Variants in INTS4 observed in about 807,000 individuals in gnomAD.
The protein encoded by INTS4 is MSTP093.
In INTS4, 70 loss-of-function variants were observed where a neutral mutation model predicts 119.5. The ratio of observed to expected loss-of-function variants is 0.59; its 90% CI spans 0.48 to 0.71. The LOEUF is 0.71. INTS4 is among the 30% of genes least tolerant of loss of function. The probability of loss-of-function intolerance (pLI) is 0.00; values close to 1 mark genes in which losing one functional copy is unlikely to be tolerated. For missense variants in INTS4, 867 were observed against 1,173.2 expected (o/e 0.74, Z 3.81); for synonymous variants, 316 against 419.6 (o/e 0.75, Z 3.02).
chr11:77,884,572 C>G, intron 21 of INTS4, among the ~76,000 whole-genome samples: 2 of 152,284 alleles, frequency 1.3e-5, no homozygotes, highest in South Asian at 4.1e-4. Context: ...GAAGCTTATC[C>G]TAGGACTAGG....
chr11:77,979,066 A>C lies in INTS4; in HGVS notation c.401T>G (p.Leu134Trp), dbSNP rs778464510. 1.2e-6 allele frequency: 2 copies of C among 1,613,140 alleles called. No individual in the cohort carries two copies. Among genetic ancestry groups the C allele is most frequent in the East Asian group, 2.2e-5 (1 of 44,842 alleles). ...TGGTAGCTTAGTGCCAATTGCAAGCAAAGTATCCAGCAGTTGAGCTAGGAC... is the reference window on the plus strand; with the variant it reads ...TGGTAGCTTAGTGCCAATTGCAAGCCAAGTATCCAGCAGTTGAGCTAGGAC... ...HQVLAQLLDT[L>W]LAIGTKLPEN... The change falls in exon 4 of 23, where the codon TTG (leucine) becomes TGG (tryptophan). Residue 134 changes from leucine to tryptophan, a missense_variant. Coordinates refer to ENST00000534064, the MANE Select transcript of INTS4 (RefSeq NM_033547.4).
intron 14 of INTS4, among the ~76,000 whole-genome samples, chr11:77,920,268 C>CAT (rs1953324128): frequency 3.0e-5 from 3 of 99,928 alleles, no homozygotes; most frequent in African/African-American, 1.2e-4. Flanking sequence ...CATATATACA[C>CAT]ATATATATAC....
chr11:77,982,062 C>A (rs912362047), intron 2 of INTS4, among the ~76,000 whole-genome samples: 1 of 151,586 alleles, frequency 6.6e-6, no homozygotes, highest in Non-Finnish European at 1.5e-5. Flanking sequence ...AGTACCACTG[C>A]TTTTGGAGTC....
chr11:77,960,301 A>G (rs1195992012), intron 6 of INTS4, 40 bp downstream of exon 6: 2 of 1,471,684 alleles, frequency 1.4e-6, no homozygotes, highest in Admixed American at 1.7e-5. Flanking sequence ...CAGCTTCATG[A>G]TACCTCCAAC....
chr11:77,936,365 A>C (rs1227578137), intron 10 of INTS4, among the ~76,000 whole-genome samples: 1 of 152,196 alleles, frequency 6.6e-6, no homozygotes, highest in African/African-American at 2.4e-5. Flanking sequence ...GACATGGTAG[A>C]TACTAAAAAG....
intron 4 of INTS4, among the ~76,000 whole-genome samples, chr11:77,972,160 C>T (rs1364832189): frequency 1.3e-5 from 2 of 152,178 alleles, no homozygotes; most frequent in Non-Finnish European, 2.9e-5. Flanking sequence ...TGCAGTAGCG[C>T]AGTCTCGGCT....
chr11:77,968,841 T>G (rs1403744137), intron 4 of INTS4, among the ~76,000 whole-genome samples: 1 of 152,072 alleles, frequency 6.6e-6, no homozygotes, highest in Non-Finnish European at 1.5e-5. Context: ...AGCAAAAAAC[T>G]TGTAAGTGAA....
chr11:77,952,248 A>G (rs527598346), intron 8 of INTS4, among the ~76,000 whole-genome samples: 3 of 152,304 alleles, frequency 2.0e-5, no homozygotes, highest in African/African-American at 4.8e-5. Flanking sequence ...GCCAATCCCA[A>G]TGTGTAACTG....
chr11:77,915,722 T>C (rs1281241786), intron 15 of INTS4, among the ~76,000 whole-genome samples: 1 of 152,214 alleles, frequency 6.6e-6, no homozygotes, highest in Admixed American at 6.5e-5. Context: ...TGGATTTGGC[T>C]CACTCACTCG....
chr11:77,935,951 G>GT, intron 10 of INTS4, among the ~76,000 whole-genome samples: 1 of 136,102 alleles, frequency 7.3e-6, no homozygotes, highest in East Asian at 2.1e-4. Context: ...CAAAAGAAGA[G>GT]TTTTTTGCTT....
chr11:77,956,553 A>G (rs1954326735), intron 7 of INTS4, among the ~76,000 whole-genome samples: 1 of 152,000 alleles, frequency 6.6e-6, no homozygotes, highest in Non-Finnish European at 1.5e-5. Flanking sequence ...CTAAAAATAT[A>G]AAAATTAGCC....
chr11:77,892,675 C>T (rs1456140997), intron 19 of INTS4, among the ~76,000 whole-genome samples: 1 of 152,062 alleles, frequency 6.6e-6, no homozygotes, highest in African/African-American at 2.4e-5. Flanking sequence ...CTCCGCCTCC[C>T]GGGTTCAAGC....
chr11:77,979,213 G>A (rs749013919), intron 3 of INTS4, 111 bp from the exon 4 acceptor site: 4 of 601,650 alleles, frequency 6.6e-6, no homozygotes, highest in Non-Finnish European at 1.3e-5. Context: ...ACTCACAACT[G>A]TAATCCCAGC....
At chr11:77,882,999 G>C (rs1355557531) in intron 22 of INTS4, among the ~76,000 whole-genome samples, 1 of 152,112 alleles carries the variant, frequency 6.6e-6, no homozygotes, top group Non-Finnish European at 1.5e-5. Context: ...CTGAACCCAG[G>C]AGGCAGACAG....
At chr11:77,904,365 G>A (rs1952875362) in intron 16 of INTS4, among the ~76,000 whole-genome samples, 1 of 152,164 alleles carries the variant, frequency 6.6e-6, no homozygotes, top group Non-Finnish European at 1.5e-5. Flanking sequence ...TTACAAAGAT[G>A]TAAGTTAATT....
intron 4 of INTS4, among the ~76,000 whole-genome samples, chr11:77,977,679 A>T (rs1278242361): frequency 6.6e-6 from 1 of 150,584 alleles, no homozygotes; most frequent in Non-Finnish European, 1.5e-5. Context: ...ATAATAAAAA[A>T]TATATTTAAG....
chr11:77,903,054 G>A (rs748120918), intron 17 of INTS4, among the ~76,000 whole-genome samples: 8 of 152,202 alleles, frequency 5.3e-5, no homozygotes, highest in Non-Finnish European at 8.8e-5. Flanking sequence ...ACAGGTGTGA[G>A]CCACCGCGCC....
chr11:77,879,753 C>T (rs959260841), intron 22 of INTS4, among the ~76,000 whole-genome samples: 1 of 152,162 alleles, frequency 6.6e-6, no homozygotes, highest in Non-Finnish European at 1.5e-5. Flanking sequence ...AAGTTGCCTG[C>T]TGTTTGGTTG....
At chr11:77,969,104 T>C (rs544142940) in intron 4 of INTS4, among the ~76,000 whole-genome samples, 23 of 152,096 alleles carry the variant, frequency 1.5e-4, no homozygotes, top group African/African-American at 5.1e-4. Flanking sequence ...CGGCTAATTT[T>C]TGTATTTTTA....
Sources: allele counts gnomAD v4.1 joint callset (sites outside exome capture counted in the v4.1 genomes callset), GRCh38; gene constraint gnomAD v4.1.1; transcripts MANE v1.5; gene names NCBI Gene and HGNC (gene_info 2026-07-23, HGNC 2026-07-21).